The following TMEM182 variants were observed in gnomAD, a reference collection of about 807,000 sequenced individuals.
TMEM182 encodes transmembrane protein 182.
TMEM182 carries 20 observed loss-of-function variants against 26.8 expected under a neutral mutation model. The ratio of observed to expected loss-of-function variants is 0.75; its 90% confidence interval spans 0.53 to 1.09. The LOEUF is 1.09. TMEM182 is among the 50% of genes least tolerant of loss of function. The pLI is 0.00. For missense variants in TMEM182, 277 were observed against 275.5 expected, an observed-to-expected ratio of 1.01 and a Z score of -0.04; for synonymous variants, 109 against 102.2, an observed-to-expected ratio of 1.07 and a Z score of -0.40.
rs553145710 is a variant in TMEM182, at chr2:102,816,600, ACGTTTT to A, written c.*1633_*1638del. 2.2e-4 allele frequency: 214 copies of A among 984,946 alleles called. No homozygotes were observed. The African/African-American group carries it at 3.6e-3, about 16-fold the overall frequency. The allele number at this position is 984,946 out of a possible 1,614,324, so 61.0% of individuals were successfully genotyped here. Reference sequence around the variant, plus strand: ...AAGTCATTTCAGTGATATCATTGAAACGTTTTTGTGGTACTTCCCTTTGTCTTTCAC... The same window carrying A: ...AAGTCATTTCAGTGATATCATTGAAATGTGGTACTTCCCTTTGTCTTTCAC... On this transcript the variant is annotated 3_prime_UTR_variant, in exon 5 of 5. Transcript: ENST00000412401.
chr2:102,773,650 TGA>T (rs35974983), intron 3 of TMEM182, among the ~76,000 whole-genome samples: 11,478 of 151,754 alleles, frequency 0.076, 663 homozygotes, highest in Admixed American at 0.1. Context: ...CTGAATGAGA[TGA>T]GAGGGGGAAC....
At chr2:102,770,655 T>C (rs1680634941) in intron 3 of TMEM182, among the ~76,000 whole-genome samples, 1 of 152,082 alleles carries the variant, frequency 6.6e-6, no homozygotes, top group Non-Finnish European at 1.5e-5. Context: ...TGTATCAGAA[T>C]GATGGGAATG....
At chr2:102,744,378 A>C (rs1679627987) in intron 1 of TMEM182, among the ~76,000 whole-genome samples, 1 of 152,176 alleles carries the variant, frequency 6.6e-6, no homozygotes, top group Non-Finnish European at 1.5e-5. Context: ...GTAACTTATC[A>C]AAATTTGTGA....
At chr2:102,761,321 G>T (rs1411640905), upstream of TMEM182, among the ~76,000 whole-genome samples, 1 of 152,186 alleles carries the variant, frequency 6.6e-6, no homozygotes, top group Non-Finnish European at 1.5e-5. Context: ...GAAGGAAAAA[G>T]AAGTCGATCA....
In TMEM182 at chr2:102,764,408, C is replaced by T. The variant is rs1265375727; in HGVS notation, c.312C>T (p.Thr104=). The part of the protein sequence containing the change: ...YPFMRGEHNS[T]SYDSAVIYRG... ...TCATGAGAGGCGAGCACAACTCGAC[C>T]TCCTATGACTCTGCAGTTAGTAAGT... The change falls in exon 3 of 5, where the codon ACC becomes ACT. Residue 104 remains threonine (T), a synonymous_variant. Transcript: ENST00000412401. 2 of 1,613,728 alleles carry T rather than the reference C, an allele frequency of 1.2e-6. No individual in the cohort carries two copies. The highest frequency in any genetic ancestry group is 1.7e-6 in the Non-Finnish European group (2 of 1,179,860).
At chr2:102,799,629 C>G (rs576848079) in intron 4 of TMEM182, among the ~76,000 whole-genome samples, 1 of 152,174 alleles carries the variant, frequency 6.6e-6, no homozygotes, top group Non-Finnish European at 1.5e-5. Context: ...GGGAACCCAG[C>G]GAGGCCTGTC....
rs140305419 is a variant in TMEM182, at chr2:102,815,673, G to A, written c.*705G>A. 1.2e-5 allele frequency: 12 copies of A among 983,990 alleles called. No homozygotes were observed. Among genetic ancestry groups the A allele is most frequent in the Admixed American group, 6.2e-5 (1 of 16,256 alleles). 61.0% of individuals were successfully genotyped at this position (983,990 alleles called of 1,614,324 possible). On this transcript the variant is annotated 3_prime_UTR_variant, in exon 5 of 5. Transcript: ENST00000412401. Reference sequence around the variant, plus strand: ...ATCTGCATACCAAATTATGTATAACGTAGATTGAATTTTTATGAACTTAAA... The same window carrying A: ...ATCTGCATACCAAATTATGTATAACATAGATTGAATTTTTATGAACTTAAA...
At chr2:102,764,124 A>G (rs951435186) in intron 2 of TMEM182, among the ~76,000 whole-genome samples, 2 of 152,174 alleles carry the variant, frequency 1.3e-5, no homozygotes, top group African/African-American at 4.8e-5. Context: ...GATGTTCTGG[A>G]TGAATCCACC....
chr2:102,791,523 G>T (rs374306864), intron 3 of TMEM182, among the ~76,000 whole-genome samples: 1 of 152,110 alleles, frequency 6.6e-6, no homozygotes, highest in Non-Finnish European at 1.5e-5. Flanking sequence ...CTGATTGGCC[G>T]CCATCCTCAT....
intron 4 of TMEM182, among the ~76,000 whole-genome samples, chr2:102,814,260 A>G (rs921912302): frequency 1.3e-5 from 2 of 152,118 alleles, no homozygotes; most frequent in Non-Finnish European, 2.9e-5. Context: ...AGTCAGAAAG[A>G]CCCGGGCTGA....
chr2:102,828,771 G>A (rs893113534), intron 3 of TMEM182, among the ~76,000 whole-genome samples: 1 of 152,130 alleles, frequency 6.6e-6, no homozygotes, highest in Non-Finnish European at 1.5e-5. Context: ...TGGAGTGAGT[G>A]GGTCATGCTG....
At position 102,814,973 on chromosome 2, in the gene TMEM182, A is replaced by T; in HGVS notation, c.*5A>T. 1.2e-6 allele frequency: 2 copies of T among 1,613,168 alleles called. No individual in the cohort carries two copies. The highest frequency in any genetic ancestry group is 2.2e-5 in the East Asian group (1 of 44,882). ...CATATTCAGATACATCACTAAATCA[A>T]CTGTTGCCACAAGTATTTTCTTGAG... On this transcript the variant is annotated 3_prime_UTR_variant, in exon 5 of 5. Transcript: ENST00000412401.
At chr2:102,758,494 T>C (rs1448996209), upstream of TMEM182, 4 of 717,028 alleles carry the variant, frequency 5.6e-6, no homozygotes, top group Non-Finnish European at 1.0e-5. Flanking sequence ...TTTCATGTCT[T>C]CATTAGCAAA....
chr2:102,764,168 A>G (rs1680329272), intron 2 of TMEM182, among the ~76,000 whole-genome samples, 161 bp from the exon 3 acceptor site: 1 of 152,182 alleles, frequency 6.6e-6, no homozygotes, highest in Admixed American at 6.5e-5. Context: ...TGAGTTTCCT[A>G]GAAGGCCTTC....
intron 3 of TMEM182, among the ~76,000 whole-genome samples, chr2:102,772,106 G>C (rs539883246): frequency 6.6e-6 from 1 of 152,300 alleles, no homozygotes; most frequent in South Asian, 2.1e-4. Context: ...TCCTTCCACT[G>C]CCTTCTTTCA....
intron 3 of TMEM182, among the ~76,000 whole-genome samples, chr2:102,766,056 A>G (rs1680420199): frequency 6.6e-6 from 1 of 152,226 alleles, no homozygotes; most frequent in Non-Finnish European, 1.5e-5. Flanking sequence ...GAAAAGTAAT[A>G]CAAGGTTGGC....
chr2:102,786,518 T>G (rs1257672173), intron 3 of TMEM182, among the ~76,000 whole-genome samples: 1 of 152,108 alleles, frequency 6.6e-6, no homozygotes, highest in East Asian at 1.9e-4. Flanking sequence ...CAGCCTGAGC[T>G]CACTTACTTA....
intron 4 of TMEM182, among the ~76,000 whole-genome samples, chr2:102,798,414 CATATGATAT>C (rs1195656602): frequency 1.3e-5 from 2 of 152,206 alleles, no homozygotes; most frequent in African/African-American, 2.4e-5. Context: ...AACATATCAG[CATATGATAT>C]GGGTAGGCAT....
chr2:102,794,025 A>G (rs1267772825), intron 3 of TMEM182, among the ~76,000 whole-genome samples: 1 of 152,170 alleles, frequency 6.6e-6, no homozygotes. Context: ...AGCTGTGATT[A>G]CATGACTGCA....
Sources: gnomAD v4.1 joint callset for allele counts (sites outside exome capture counted in the v4.1 genomes callset) on GRCh38, gnomAD v4.1.1 for gene constraint, MANE v1.5 for transcripts, NCBI Gene and HGNC (gene_info 2026-07-23, HGNC 2026-07-21) for gene names.